The following PDLIM5 variants were observed in gnomAD, a reference collection of about 807,000 sequenced individuals.
PDLIM5 encodes the protein PDZ and LIM domain 5.
PDLIM5 carries 34 observed loss-of-function variants against 64.2 expected under a neutral mutation model. The observed-to-expected ratio is 0.53, with a 90% CI of 0.40 to 0.71. PDLIM5 has a LOEUF of 0.71. PDLIM5 is among the 30% of genes least tolerant of loss of function. The pLI is 0.00. For synonymous variants in PDLIM5, 253 were observed against 269.1 expected, an observed-to-expected ratio of 0.94 and a Z score of 0.59; for missense variants, 683 against 733.6, an observed-to-expected ratio of 0.93 and a Z score of 0.80.
intron 2 of PDLIM5, among the ~76,000 whole-genome samples, chr4:94,465,503 C>A (rs1010059250): frequency 6.6e-6 from 1 of 152,112 alleles, no homozygotes; most frequent in Non-Finnish European, 1.5e-5. Context: ...TGGGTTCAAG[C>A]GGTTCTCCTG....
chr4:94,606,022 T>C lies in PDLIM5; in HGVS notation c.921-11982T>C, dbSNP rs955075224. The stretch of plus-strand genomic sequence containing the variant: ...TTCATTTCTTTCAAGTTATCATGTG[T>C]CCACTTAGGCAAAAATCTGTTTAGT... On this transcript the variant is annotated intron_variant, in intron 7 of 12. Coordinates refer to ENST00000317968, the MANE Select transcript of PDLIM5 (RefSeq NM_006457.5). Among the ~76,000 whole-genome samples the C allele has an allele frequency of 5.9e-5, 9 of 152,208 alleles. No individual in the cohort carries two copies. In the South Asian group the frequency reaches 8.3e-4, roughly 14 times the overall value.
intron 3 of PDLIM5, among the ~76,000 whole-genome samples, chr4:94,536,571 A>AG (rs1431822652): frequency 5.3e-5 from 8 of 152,198 alleles, no homozygotes; most frequent in Non-Finnish European, 1.0e-4. Context: ...ACCATGGCTT[A>AG]GATGTAGTCA....
chr4:94,512,927 C>T (rs1168199711), intron 2 of PDLIM5, among the ~76,000 whole-genome samples: 2 of 152,080 alleles, frequency 1.3e-5, no homozygotes, highest in East Asian at 1.9e-4. Flanking sequence ...GAGAGATAGA[C>T]GTCTAATTTC....
At chr4:94,544,662 T>A (rs1322860632) in intron 3 of PDLIM5, among the ~76,000 whole-genome samples, 1 of 152,178 alleles carries the variant, frequency 6.6e-6, no homozygotes, top group Non-Finnish European at 1.5e-5. Flanking sequence ...TCTAGTCCTT[T>A]ATTTAATTAA....
intron 7 of PDLIM5, chr4:94,588,004 C>G: frequency 2.1e-6 from 2 of 969,498 alleles, no homozygotes; most frequent in African/African-American, 1.8e-5. Flanking sequence ...TACATGGAAG[C>G]TAAATATATG....
intron 3 of PDLIM5, among the ~76,000 whole-genome samples, chr4:94,557,262 T>C (rs1733426534): frequency 6.6e-6 from 1 of 152,200 alleles, no homozygotes; most frequent in South Asian, 2.1e-4. Context: ...TCCATTGGTC[T>C]ATATCTCTGT....
At chr4:94,586,540 C>G in intron 7 of PDLIM5, 96 bp downstream of exon 7, 1 of 703,470 alleles carries the variant, frequency 1.4e-6, no homozygotes, top group Non-Finnish European at 2.5e-6. Flanking sequence ...TATGGCATTT[C>G]GTCTTTGCAG....
chr4:94,652,684 G>C lies in PDLIM5; in HGVS notation c.1284-1776G>C, dbSNP rs143739697. ...TTCTGGCAGGAATTAGTAAACAAAGGCATTCCTTATTAGTCATAACAAAAT... is the reference window on the plus strand; with the variant it reads ...TTCTGGCAGGAATTAGTAAACAAAGCCATTCCTTATTAGTCATAACAAAAT... On this transcript the variant is annotated intron_variant, in intron 9 of 12. Transcript: ENST00000317968. Among the ~76,000 whole-genome samples, 5 of 152,098 alleles carry C rather than the reference G, an allele frequency of 3.3e-5. No individual in the cohort carries two copies. In the East Asian group the frequency reaches 9.7e-4, roughly 29 times the overall value.
At position 94,666,521 on chromosome 4, in the gene PDLIM5, T is replaced by G. The variant is rs1743087113; in HGVS notation, c.*2454T>G. 6.5e-6 allele frequency: 1 copy of G among 153,518 alleles called. No individual in the cohort carries two copies. The highest frequency in any genetic ancestry group is 2.4e-5 in the African/African-American group (1 of 41,490). The allele number at this position is 153,518 out of a possible 1,614,324, so 9.5% of individuals were successfully genotyped here. ...AATGTACACTGTCACATCTTTACAG[T>G]CTTGTATGTTATAGAATACAAAATA... is the stretch of plus-strand genomic sequence containing the variant. On this transcript the variant is annotated 3_prime_UTR_variant, in exon 13 of 13. Transcript: ENST00000317968.
intron 4 of PDLIM5, 39 bp downstream of exon 4, chr4:94,573,432 G>A (rs749784053): frequency 2.7e-6 from 4 of 1,488,530 alleles, no homozygotes; most frequent in Admixed American, 3.3e-5. Context: ...TCACTTGATT[G>A]TCCTTGCTGA....
chr4:94,581,075 A>G (rs1184842638), intron 5 of PDLIM5, among the ~76,000 whole-genome samples: 1 of 152,114 alleles, frequency 6.6e-6, no homozygotes, highest in Non-Finnish European at 1.5e-5. Context: ...ATTGTCATTG[A>G]TTTCACTGTT....
At chr4:94,542,997 A>G (rs2110188913) in intron 3 of PDLIM5, among the ~76,000 whole-genome samples, 1 of 152,364 alleles carries the variant, frequency 6.6e-6, no homozygotes, top group South Asian at 2.1e-4. Flanking sequence ...AAAAGTGGAC[A>G]GACTGGTCAG....
chr4:94,520,076 G>A (rs1165284843), intron 2 of PDLIM5, among the ~76,000 whole-genome samples: 2 of 152,090 alleles, frequency 1.3e-5, no homozygotes, highest in African/African-American at 4.8e-5. Context: ...CAGTTTTCTG[G>A]TTTTCCTTCA....
chr4:94,528,768 G>A (rs923179263), intron 3 of PDLIM5, among the ~76,000 whole-genome samples: 26 of 152,162 alleles, frequency 1.7e-4, no homozygotes, highest in Non-Finnish European at 2.9e-4. Context: ...AATATATCTC[G>A]TGTGGATATA....
chr4:94,490,242 ACT>A (rs1397843670), intron 2 of PDLIM5, among the ~76,000 whole-genome samples: 3 of 151,932 alleles, frequency 2.0e-5, no homozygotes, highest in African/African-American at 4.8e-5. Flanking sequence ...AATATTATAA[ACT>A]CTTTATGAAT....
chr4:94,634,248 G>T (rs1578511774), intron 8 of PDLIM5, among the ~76,000 whole-genome samples: 5 of 152,262 alleles, frequency 3.3e-5, no homozygotes, highest in Admixed American at 2.0e-4. Flanking sequence ...TCTACAGGCA[G>T]TCACTGCTCT....
chr4:94,476,779 G>T (rs557261490), intron 2 of PDLIM5, among the ~76,000 whole-genome samples: 20 of 152,186 alleles, frequency 1.3e-4, no homozygotes, highest in Non-Finnish European at 1.2e-4. Flanking sequence ...GCCAGCCATC[G>T]TGGGTTCAAA....
chr4:94,636,436 G>T (rs1740567349), intron 8 of PDLIM5, among the ~76,000 whole-genome samples: 1 of 150,668 alleles, frequency 6.6e-6, no homozygotes, highest in African/African-American at 2.4e-5. Context: ...AAAAAATTGG[G>T]AATCTTCCTT....
intron 1 of PDLIM5, among the ~76,000 whole-genome samples, chr4:94,454,146 TTTGG>T (rs1181040430): frequency 6.6e-6 from 1 of 152,154 alleles, no homozygotes; most frequent in Non-Finnish European, 1.5e-5. Flanking sequence ...TAGGTGGTGA[TTTGG>T]TTGAATAGCT....
Sources: allele counts gnomAD v4.1 joint callset (sites outside exome capture counted in the v4.1 genomes callset), GRCh38; gene constraint gnomAD v4.1.1; transcripts MANE v1.5; gene names NCBI Gene and HGNC (gene_info 2026-07-23, HGNC 2026-07-21).